The following ZNF536 variants were observed in gnomAD, a reference collection of about 807,000 sequenced individuals.
ZNF536 encodes zinc finger protein 536.
Under a neutral mutation model 84.5 loss-of-function variants are expected in ZNF536, and 13 were observed. That is an observed-to-expected ratio of 0.15 (90% CI 0.10 to 0.24). The LOEUF (loss-of-function observed/expected upper bound fraction) is 0.24. Among genes scored for constraint, ZNF536 ranks in the 10% least tolerant of loss-of-function variants. The probability of loss-of-function intolerance (pLI) is 1.00; values close to 1 mark genes in which losing one functional copy is unlikely to be tolerated. For missense variants in ZNF536, 1,536 were observed against 1,747.5 expected, an observed-to-expected ratio of 0.88 and a Z score of 2.16; for synonymous variants, 811 against 742.5, an observed-to-expected ratio of 1.09 and a Z score of -1.50.
chr19:30,585,296 C>G (rs1048428714), intron 1 of ZNF536, among the ~76,000 whole-genome samples: 1 of 152,128 alleles, frequency 6.6e-6, no homozygotes, highest in Non-Finnish European at 1.5e-5. Flanking sequence ...ATGAGGGCAG[C>G]AACCAATGTA....
chr19:30,444,528 A>T lies in ZNF536; in HGVS notation c.966A>T (p.Ala322=). The T allele has an allele frequency of 6.2e-7, 1 of 1,613,002 alleles. No homozygotes were observed. The highest frequency in any genetic ancestry group is 8.5e-7 in the Non-Finnish European group (1 of 1,179,892). Residue 322 remains alanine (A), a synonymous_variant, in exon 2 of 5, where the codon GCA becomes GCT. Transcript: ENST00000355537. ...AGCTCATCAGCCACGTGGAGAAGGC[A>T]CACATCACGGCCGAGTCGGCCCAGG... ...EEELISHVEK[A]HITAESAQGQ...
chr19:30,503,473 A>G (rs1490962504), intron 2 of ZNF536, among the ~76,000 whole-genome samples: 2 of 152,274 alleles, frequency 1.3e-5, no homozygotes, highest in Non-Finnish European at 2.9e-5. Flanking sequence ...TGCCCATGAC[A>G]TATTGTTGAA....
chr19:30,672,887 G>A (rs546780740), intron 1 of ZNF536, among the ~76,000 whole-genome samples: 22 of 152,294 alleles, frequency 1.4e-4, no homozygotes, highest in Non-Finnish European at 2.4e-4. Flanking sequence ...GACCCTCCGA[G>A]GAACTATGTG....
At chr19:30,364,389 T>C (rs2048362513) in intron 3 of ZNF536, among the ~76,000 whole-genome samples, 1 of 152,092 alleles carries the variant, frequency 6.6e-6, no homozygotes, top group African/African-American at 2.4e-5. Context: ...TAGCTGGGCA[T>C]GGTGGCGTGC....
intron 1 of ZNF536, among the ~76,000 whole-genome samples, chr19:30,708,570 C>A (rs1022794725): frequency 6.6e-6 from 1 of 152,172 alleles, no homozygotes; most frequent in African/African-American, 2.4e-5. Flanking sequence ...GCATGAAGGC[C>A]ACCCGCGGGC....
intron 2 of ZNF536, among the ~76,000 whole-genome samples, chr19:30,336,360 C>T (rs779993373): frequency 3.3e-5 from 5 of 152,176 alleles, no homozygotes; most frequent in East Asian, 1.9e-4. Flanking sequence ...GCCGAATGAG[C>T]GGATGAATGA....
chr19:30,436,462 T>G (rs866262243), intron 1 of ZNF536: 1 of 924,874 alleles, frequency 1.1e-6, no homozygotes, highest in South Asian at 5.0e-5. Context: ...CAGTGTTGAT[T>G]GTAAGAGATC....
At chr19:30,290,013 T>C (rs2045780918) in intron 2 of ZNF536, among the ~76,000 whole-genome samples, 1 of 152,172 alleles carries the variant, frequency 6.6e-6, no homozygotes, top group Admixed American at 6.5e-5. Flanking sequence ...CTATACCCAT[T>C]AAATAACTCC....
chr19:30,531,805 AGTTTTGCCATG>A (rs1199515956), intron 2 of ZNF536, among the ~76,000 whole-genome samples: 2 of 151,738 alleles, frequency 1.3e-5, no homozygotes, highest in African/African-American at 2.4e-5. Flanking sequence ...TTGTATTTTT[AGTTTTGCCATG>A]GTTTTGCCAT....
At chr19:30,503,975 T>A (rs1203467121) in intron 2 of ZNF536, among the ~76,000 whole-genome samples, 1 of 152,084 alleles carries the variant, frequency 6.6e-6, no homozygotes, top group Admixed American at 6.6e-5. Flanking sequence ...TATATTTTTA[T>A]TTTTAAAGAT....
At chr19:30,614,616 A>G (rs1027059851) in intron 1 of ZNF536, among the ~76,000 whole-genome samples, 7 of 151,924 alleles carry the variant, frequency 4.6e-5, no homozygotes, top group Non-Finnish European at 8.8e-5. Flanking sequence ...ATCTTTCCAT[A>G]TGTTTAAAAA....
At chr19:30,430,396 C>G (rs1270836522) in intron 1 of ZNF536, among the ~76,000 whole-genome samples, 1 of 152,056 alleles carries the variant, frequency 6.6e-6, no homozygotes, top group South Asian at 2.1e-4. Flanking sequence ...TGGGGGGGAC[C>G]CTGGTGAAGC....
At chr19:30,269,081 T>A (rs2025677576) in intron 1 of ZNF536, among the ~76,000 whole-genome samples, 1 of 152,222 alleles carries the variant, frequency 6.6e-6, no homozygotes, top group Non-Finnish European at 1.5e-5. Context: ...CGGTCTTTAG[T>A]GAACAAGGTA....
chr19:30,638,534 A>T (rs963452103), intron 1 of ZNF536, among the ~76,000 whole-genome samples: 3 of 152,230 alleles, frequency 2.0e-5, no homozygotes, highest in Non-Finnish European at 4.4e-5. Context: ...TCTCAGGATA[A>T]CTTACTCACT....
exon 2 of ZNF536, chr19:30,711,653 A>G (rs1166997905): frequency 1.3e-5 from 2 of 152,196 alleles, no homozygotes; most frequent in Non-Finnish European, 2.9e-5. Context: ...ATACACAGCC[A>G]AATGAAATCA....
intron 2 of ZNF536, among the ~76,000 whole-genome samples, chr19:30,311,549 C>G (rs896137870): frequency 2.0e-5 from 3 of 152,162 alleles, no homozygotes; most frequent in African/African-American, 4.8e-5. Context: ...TCGTGTATTT[C>G]CTTTTGCCAT....
chr19:30,443,043 GT>G (rs199802157), intron 1 of ZNF536, among the ~76,000 whole-genome samples: 1,600 of 135,470 alleles, frequency 0.012, 24 homozygotes, highest in African/African-American at 0.037. Flanking sequence ...TTTTTTGTTT[GT>G]TTTTTTTTTT....
At chr19:30,289,749 AG>A (rs1276111359) in intron 2 of ZNF536, among the ~76,000 whole-genome samples, 4 of 152,114 alleles carry the variant, frequency 2.6e-5, no homozygotes, top group Non-Finnish European at 5.9e-5. Flanking sequence ...CTCATTTTTT[AG>A]GGGTGTTTGT....
At chr19:30,694,306 T>C (rs540577253) in intron 1 of ZNF536, among the ~76,000 whole-genome samples, 4 of 152,340 alleles carry the variant, frequency 2.6e-5, no homozygotes, top group South Asian at 2.1e-4. Context: ...CAGGAAGTGA[T>C]TGAACCAGCA....
Sources: gnomAD v4.1 joint callset for allele counts (sites outside exome capture counted in the v4.1 genomes callset) on GRCh38, gnomAD v4.1.1 for gene constraint, MANE v1.5 for transcripts, NCBI Gene and HGNC (gene_info 2026-07-23, HGNC 2026-07-21) for gene names.